Variants in SORL1 observed in about 807,000 individuals in gnomAD.
The protein encoded by SORL1 is sortilin related receptor 1.
In SORL1, 127 loss-of-function variants were observed where a neutral mutation model predicts 273.7. The ratio of observed to expected loss-of-function variants is 0.46; its 90% CI spans 0.40 to 0.54. The LOEUF (loss-of-function observed/expected upper bound fraction) is 0.54, where lower values mean the gene tolerates loss of function less well. Among genes scored for constraint, SORL1 ranks in the 20% least tolerant of loss-of-function variants. The probability of loss-of-function intolerance (pLI) is 0.00; values close to 1 mark genes in which losing one functional copy is unlikely to be tolerated. For synonymous variants in SORL1, 1,031 were observed against 1,067.4 expected (o/e 0.97, Z 0.66); for missense variants, 2,494 against 2,846.1 (o/e 0.88, Z 2.81).
Position 121,524,069 on chromosome 11 carries a change from C to T in SORL1, c.1596+1080C>T, listed in dbSNP as rs149753322. On this transcript the variant is annotated intron_variant, in intron 11 of 47. Coordinates refer to ENST00000260197, the MANE Select transcript of SORL1 (RefSeq NM_003105.6). Reference sequence around the variant, plus strand: ...GACACTGTGTACTGTATGTGGTGAACGCAAATATGTGTTCAGATGAGGCAG... The same window carrying T: ...GACACTGTGTACTGTATGTGGTGAATGCAAATATGTGTTCAGATGAGGCAG... Among the ~76,000 whole-genome samples the T allele has an allele frequency of 2.9e-3, 445 of 152,280 alleles. 1 individual carries two copies. Among genetic ancestry groups the T allele is most frequent in the African/African-American group, 9.9e-3 (413 of 41,538 alleles).
intron 5 of SORL1, among the ~76,000 whole-genome samples, chr11:121,493,231 T>C (rs1180186015): frequency 6.6e-6 from 1 of 152,144 alleles, no homozygotes; most frequent in East Asian, 1.9e-4. Context: ...CCTCCCACCT[T>C]GGCCTTCCAA....
At chr11:121,524,783 A>G (rs1447294703) in intron 11 of SORL1, among the ~76,000 whole-genome samples, 11 of 152,038 alleles carry the variant, frequency 7.2e-5, no homozygotes, top group Admixed American at 2.6e-4. Context: ...TTATTGAAGC[A>G]GATGAAGGCA....
rs1355131895 is a variant in SORL1, at chr11:121,622,256, T to C, written c.6159T>C (p.Phe2053=). Residue 2053 remains phenylalanine, a synonymous_variant, in exon 45 of 48, where the codon TTT becomes TTC. Transcript: ENST00000260197. ...WKSLALKEKH[F]NESRGYEIHM... The stretch of plus-strand genomic sequence containing the variant: ...GCCTGGCTTTAAAGGAAAAGCATTT[T>C]AATGAAAGCAGGGTAAGTTCCTCCC... 1.3e-6 allele frequency: 2 copies of C among 1,599,404 alleles called. No homozygotes were observed. The highest frequency in any genetic ancestry group is 1.1e-5 in the South Asian group (1 of 90,686).
chr11:121,466,828 C>T (rs1400934301), intron 1 of SORL1, among the ~76,000 whole-genome samples: 3 of 152,120 alleles, frequency 2.0e-5, no homozygotes, highest in Middle Eastern at 3.4e-3. Flanking sequence ...GCTGTTCCTG[C>T]GAGTGCCTGG....
At chr11:121,622,132 A>G (rs1863731594) in intron 44 of SORL1, 30 bp from the exon 45 acceptor site, 11 of 1,218,380 alleles carry the variant, frequency 9.0e-6, no homozygotes, top group Non-Finnish European at 1.2e-5. Context: ...ATATCCACTA[A>G]CCGCATCCCA....
intron 27 of SORL1, among the ~76,000 whole-genome samples, chr11:121,587,219 G>T (rs1863129508): frequency 6.6e-6 from 1 of 152,136 alleles, no homozygotes; most frequent in Non-Finnish European, 1.5e-5. Flanking sequence ...ATATGCATAT[G>T]TATATATATA....
chr11:121,496,818 C>G (rs749675843), intron 5 of SORL1, 51 bp from the exon 6 acceptor site: 3 of 1,512,112 alleles, frequency 2.0e-6, no homozygotes, highest in African/African-American at 2.8e-5. Flanking sequence ...TTCCATGCCT[C>G]TAGTAATTAA....
chr11:121,537,990 T>C (rs1862290907), intron 12 of SORL1, among the ~76,000 whole-genome samples: 1 of 152,220 alleles, frequency 6.6e-6, no homozygotes, highest in African/African-American at 2.4e-5. Flanking sequence ...ATCTCTATCT[T>C]CTAGGTTCTC....
intron 22 of SORL1, among the ~76,000 whole-genome samples, chr11:121,568,156 G>A (rs1363944453): frequency 6.6e-6 from 1 of 152,166 alleles, no homozygotes; most frequent in Non-Finnish European, 1.5e-5. Context: ...CAAGGAGCTG[G>A]GATCACAGGC....
chr11:121,522,545 G>A, intron 9 of SORL1, 41 bp from the exon 10 acceptor site: 1 of 1,404,206 alleles, frequency 7.1e-7, no homozygotes, highest in Non-Finnish European at 1.0e-6. Context: ...CGCTAGGCAT[G>A]GTATCATGTG....
intron 43 of SORL1, among the ~76,000 whole-genome samples, chr11:121,620,824 A>T (rs1257490902): frequency 6.6e-6 from 1 of 152,128 alleles, no homozygotes; most frequent in Non-Finnish European, 1.5e-5. Context: ...GGCCCTCCCT[A>T]GAGGGTTAAA....
intron 5 of SORL1, among the ~76,000 whole-genome samples, chr11:121,495,342 G>T (rs1291863724): frequency 2.0e-5 from 3 of 152,060 alleles, no homozygotes; most frequent in African/African-American, 7.2e-5. Context: ...TCCCTACCCT[G>T]GCCTCAGCCT....
rs553612012 is a variant in SORL1 at position 121,476,758 on chromosome 11, C to T, written c.403-1360C>T. On this transcript the variant is annotated intron_variant, in intron 2 of 47. Coordinates refer to ENST00000260197, the MANE Select transcript of SORL1 (RefSeq NM_003105.6). ...CCTCCCTTCCCTTCCCTCCCTCCCACGCTTCCTCCCTCCCTCCCTCCCTCC... is the reference window on the plus strand; with the variant it reads ...CCTCCCTTCCCTTCCCTCCCTCCCATGCTTCCTCCCTCCCTCCCTCCCTCC... Among the ~76,000 whole-genome samples, 88 of 134,022 alleles carry T rather than the reference C, an allele frequency of 6.6e-4. 1 individual carries two copies. Among genetic ancestry groups the T allele is most frequent in the South Asian group, 2.9e-3 (11 of 3,786 alleles). The allele number at this position is 134,022 out of a possible 152,430, so 87.9% of individuals were successfully genotyped here. A position where few individuals can be genotyped will look rare whatever the true frequency, so the allele number is the denominator to read the frequency against.
At position 121,491,053 on chromosome 11, in the gene SORL1, G is replaced by A. The variant is rs566722551; in HGVS notation, c.758+943G>A. On this transcript the variant is annotated intron_variant, in intron 5 of 47. Coordinates refer to ENST00000260197, the MANE Select transcript of SORL1 (RefSeq NM_003105.6). ...AACAGGTAGGATGTCCCTGTGTGGA[G>A]GTGTGGAGGACAGGAATTCCAGGCA... Among the ~76,000 whole-genome samples the A allele has an allele frequency of 1.2e-4, 19 of 152,252 alleles. 1 individual carries two copies. In the South Asian group the frequency reaches 3.7e-3, roughly 30 times the overall value.
chr11:121,465,203 G>A (rs1348371846), intron 1 of SORL1, among the ~76,000 whole-genome samples: 1 of 152,044 alleles, frequency 6.6e-6, no homozygotes, highest in African/African-American at 2.4e-5. Context: ...CCACTAATCA[G>A]CTTTCTCTCC....
In SORL1 at chr11:121,597,909, G is replaced by A. The variant is rs147380896; in HGVS notation, c.4519+2137G>A. ...AGGTGGGGACAGGCCAGGAGAGGCA[G>A]CCCCATTGATGGTGCCTGGACAACG... On this transcript the variant is annotated intron_variant, in intron 32 of 47. Coordinates refer to ENST00000260197, the MANE Select transcript of SORL1 (RefSeq NM_003105.6). Among the ~76,000 whole-genome samples the A allele has an allele frequency of 2.0e-3, 309 of 152,328 alleles. 3 individuals are homozygous for A. The highest frequency in any genetic ancestry group is 7.2e-3 in the African/African-American group (298 of 41,568).
chr11:121,623,130 A>G (rs1241952231), intron 45 of SORL1, among the ~76,000 whole-genome samples: 1 of 152,244 alleles, frequency 6.6e-6, no homozygotes, highest in Non-Finnish European at 1.5e-5. Flanking sequence ...TAAGTTCAAA[A>G]TGGAAATATT....
intron 38 of SORL1, chr11:121,609,224 G>A (rs1027520994): frequency 6.6e-6 from 1 of 152,170 alleles, no homozygotes. Context: ...TGAGGAATAG[G>A]CTCTGGGTCA....
chr11:121,496,846 A>G, intron 5 of SORL1, 23 bp from the exon 6 acceptor site: 2 of 1,538,568 alleles, frequency 1.3e-6, no homozygotes, highest in Non-Finnish European at 1.8e-6. Context: ...AATGATAACA[A>G]CCTTTTTTTT....
Sources: allele counts gnomAD v4.1 joint callset (sites outside exome capture counted in the v4.1 genomes callset), GRCh38; gene constraint gnomAD v4.1.1; transcripts MANE v1.5; gene names NCBI Gene and HGNC (gene_info 2026-07-23, HGNC 2026-07-21).